The following HDAC4 variants were observed in gnomAD, a reference collection of about 807,000 sequenced individuals.
The protein encoded by HDAC4 is histone deacetylase 4, also known as histone deacetylase A.
In HDAC4, 16 loss-of-function variants were observed where a neutral mutation model predicts 135.1. The ratio of observed to expected loss-of-function variants is 0.12; its 90% CI spans 0.08 to 0.18. The LOEUF (loss-of-function observed/expected upper bound fraction) is 0.18, where lower values mean the gene tolerates loss of function less well. HDAC4 is among the 10% of genes least tolerant of loss of function. The pLI is 1.00. For synonymous variants in HDAC4, 685 were observed against 653.4 expected (o/e 1.05, Z -0.74); for missense variants, 1,143 against 1,511.8 (o/e 0.76, Z 4.05).
chr2:239,207,761 C>T (rs549585516), intron 3 of HDAC4, among the ~76,000 whole-genome samples: 71 of 152,222 alleles, frequency 4.7e-4, no homozygotes, highest in African/African-American at 1.4e-3. Flanking sequence ...TTAAAGGCAG[C>T]GACAGCCACG....
At position 239,306,615 on chromosome 2, in the gene HDAC4, A is replaced by G. The variant is rs1379617809; in HGVS notation, c.22+46063T>C. Among the ~76,000 whole-genome samples, 1 of 152,104 alleles carries G rather than the reference A, an allele frequency of 6.6e-6. No homozygotes were observed. The highest frequency in any genetic ancestry group is 2.4e-5 in the African/African-American group (1 of 41,404). ...CACCTAAACAAGGTCAAACACAGGC[A>G]CTACATCAGGCACCCCATGTTCCCC... is the stretch of plus-strand genomic sequence containing the variant. On this transcript the variant is annotated intron_variant, in intron 2 of 26. Transcript: ENST00000543185. The surrounding 1 kb of genome is among the most constrained non-coding windows in gnomAD (Gnocchi z 4.5).
At chr2:239,395,964 C>T (rs1008032672) in intron 1 of HDAC4, among the ~76,000 whole-genome samples, 1 of 152,218 alleles carries the variant, frequency 6.6e-6, no homozygotes, top group Non-Finnish European at 1.5e-5. Flanking sequence ...TATGTTTATA[C>T]ATTACATATA....
chr2:239,192,118 A>C (rs892644439), intron 3 of HDAC4, among the ~76,000 whole-genome samples: 14 of 152,204 alleles, frequency 9.2e-5, no homozygotes, highest in Non-Finnish European at 1.0e-4. Context: ...GAATCTACGC[A>C]CATAAACTGC....
chr2:239,094,849 C>T (rs2036856632), intron 17 of HDAC4, 161 bp downstream of exon 17: 1 of 1,551,880 alleles, frequency 6.4e-7, no homozygotes. Context: ...TCAAAACGCT[C>T]TCGGCTCACA....
intron 12 of HDAC4, among the ~76,000 whole-genome samples, chr2:239,117,088 G>C (rs765255113): frequency 3.3e-5 from 5 of 152,212 alleles, no homozygotes; most frequent in Non-Finnish European, 7.3e-5. Flanking sequence ...TGGGGCAAAT[G>C]CAAGGGGTGT....
chr2:239,200,087 T>C (rs1005100973), intron 3 of HDAC4, among the ~76,000 whole-genome samples: 1 of 152,178 alleles, frequency 6.6e-6, no homozygotes, highest in African/African-American at 2.4e-5. Flanking sequence ...TCTTGGGAAA[T>C]AGTCTTAGAG....
chr2:239,209,231 T>A (rs2046233595), intron 3 of HDAC4, among the ~76,000 whole-genome samples: 1 of 152,242 alleles, frequency 6.6e-6, no homozygotes, highest in Non-Finnish European at 1.5e-5. Flanking sequence ...AGATAGCTCG[T>A]ATTCAAGGAT....
chr2:239,111,544 T>C lies in HDAC4; in HGVS notation c.1960A>G (p.Lys654Glu). Residue 654 changes from lysine (K) to glutamate (E), a missense_variant, in exon 14 of 27, where the codon AAG becomes GAG. Transcript: ENST00000543185. ...GTGTTACCTGTCGTGAACCTCGGCT[T>C]GGTGGGGGGCTCCTGCACAGACACG... ...FPVSVQEPPT[K>E]PRFTTGLVYD... 3 of 1,612,312 alleles carry C rather than the reference T, an allele frequency of 1.9e-6. No individual in the cohort carries two copies. The highest frequency in any genetic ancestry group is 2.5e-6 in the Non-Finnish European group (3 of 1,179,734).
intron 16 of HDAC4, among the ~76,000 whole-genome samples, chr2:239,096,608 AC>A (rs1432509685): frequency 2.8e-5 from 1 of 35,110 alleles, no homozygotes; most frequent in Admixed American, 4.4e-4. Flanking sequence ...GAACACCTGC[AC>A]CCCCCACGGA....
rs145521971 is a variant in HDAC4, at chr2:239,303,293, G to A, written c.22+49385C>T. Among the ~76,000 whole-genome samples the A allele has an allele frequency of 1.1e-3, 165 of 152,316 alleles. No homozygotes were observed. Among genetic ancestry groups the A allele is most frequent in the African/African-American group, 3.9e-3 (160 of 41,558 alleles). On this transcript the variant is annotated intron_variant, in intron 2 of 26. Transcript: ENST00000543185. The surrounding 1 kb of genome is among the most constrained non-coding windows in gnomAD (Gnocchi z 5.1). ...AGCTTGACAATGTGAAATAAGTTTCGCTTCCTTTTTATCTACGCTCCCGGA... is the reference window on the plus strand; with the variant it reads ...AGCTTGACAATGTGAAATAAGTTTCACTTCCTTTTTATCTACGCTCCCGGA...
chr2:239,383,114 A>G (rs1336291079), intron 1 of HDAC4, among the ~76,000 whole-genome samples: 1 of 152,182 alleles, frequency 6.6e-6, no homozygotes, highest in Non-Finnish European at 1.5e-5. Context: ...GTGTTCTCCA[A>G]CACGGTCTCA....
chr2:239,165,425 T>C (rs1180217857), intron 5 of HDAC4, among the ~76,000 whole-genome samples: 1 of 152,176 alleles, frequency 6.6e-6, no homozygotes, highest in Admixed American at 6.5e-5. Context: ...ATAATTCATG[T>C]CCTTGGCTTA....
intron 7 of HDAC4, among the ~76,000 whole-genome samples, chr2:239,145,825 A>C (rs760588628): frequency 1.3e-5 from 2 of 152,218 alleles, no homozygotes; most frequent in Non-Finnish European, 2.9e-5. Flanking sequence ...AGCAGGACTG[A>C]TGTGGCTGGG....
At chr2:239,224,781 G>C (rs1024357661) in intron 3 of HDAC4, among the ~76,000 whole-genome samples, 1 of 152,194 alleles carries the variant, frequency 6.6e-6, no homozygotes, top group African/African-American at 2.4e-5. Context: ...TGAGTTGAAC[G>C]CAGAAATCCA....
intron 5 of HDAC4, among the ~76,000 whole-genome samples, chr2:239,173,460 C>G (rs1486728986): frequency 2.0e-5 from 3 of 152,180 alleles, no homozygotes; most frequent in African/African-American, 7.2e-5. Context: ...AATATCCATT[C>G]ATATTGAAAC....
Position 239,319,086 on chromosome 2 carries a change from C to T in HDAC4, c.22+33592G>A, listed in dbSNP as rs540334864. On this transcript the variant is annotated intron_variant, in intron 2 of 26. Transcript: ENST00000543185. ...GAAGGAAAAGGAGGCAACTCTCAGA[C>T]GAACAAAAAACGGAACTTCTGCAGG... Among the ~76,000 whole-genome samples, 29 of 152,122 alleles carry T rather than the reference C, an allele frequency of 1.9e-4. No individual in the cohort carries two copies. The East Asian group carries it at 3.7e-3, about 19-fold the overall frequency.
At chr2:239,204,222 T>A (rs1575400572) in intron 3 of HDAC4, among the ~76,000 whole-genome samples, 1 of 152,294 alleles carries the variant, frequency 6.6e-6, no homozygotes, top group Admixed American at 6.5e-5. Flanking sequence ...TGTCCCGGCG[T>A]CCCCATGCTG....
rs142395595 is a variant in HDAC4 at position 239,062,521 on chromosome 2, T to G, written c.3003+4201A>C. On this transcript the variant is annotated intron_variant, in intron 24 of 26. Coordinates refer to ENST00000543185, the MANE Select transcript of HDAC4 (RefSeq NM_001378414.1). ...TGACGTGTTTAAGTAAAAGAACATT[T>G]TCTTGTTAGAAGCGCAAACACGCAT... 2.2e-3 allele frequency among the ~76,000 whole-genome samples: 335 copies of G among 152,368 alleles called. 5 individuals are homozygous for G. The highest frequency in any genetic ancestry group is 0.01 in the Middle Eastern group (3 of 294).
chr2:239,081,867 G>A (rs2035367574), intron 21 of HDAC4, among the ~76,000 whole-genome samples: 1 of 152,342 alleles, frequency 6.6e-6, no homozygotes, highest in African/African-American at 2.4e-5. Context: ...CTGCCTGGAT[G>A]GGAACCAGAA....
Sources: allele counts gnomAD v4.1 joint callset (sites outside exome capture counted in the v4.1 genomes callset), GRCh38; gene constraint gnomAD v4.1.1; non-coding constraint Gnocchi (gnomAD v3.1); transcripts MANE v1.5; gene names NCBI Gene and HGNC (gene_info 2026-07-23, HGNC 2026-07-21).